The following CDH18 variants were observed in gnomAD, a reference collection of about 807,000 sequenced individuals.
CDH18 encodes the protein cadherin 18, also known as cadherin-18.
In CDH18, 31 loss-of-function variants were observed where a neutral mutation model predicts 67.9. That is an observed-to-expected ratio of 0.46 (90% CI 0.34 to 0.62). The LOEUF (loss-of-function observed/expected upper bound fraction) is 0.62, where lower values mean the gene tolerates loss of function less well. CDH18 is among the 20% of genes least tolerant of loss of function. CDH18 has a pLI of 0.01. For missense variants in CDH18, 890 were observed against 975.5 expected (o/e 0.91, Z 1.17); for synonymous variants, 362 against 347.2 (o/e 1.04, Z -0.48).
chr5:20,157,904 T>C (rs1382466996), intron 2 of CDH18, among the ~76,000 whole-genome samples: 2 of 152,152 alleles, frequency 1.3e-5, no homozygotes, highest in Non-Finnish European at 2.9e-5. Context: ...CCTCCCAAAG[T>C]GCTGGGATTA....
upstream of CDH18, among the ~76,000 whole-genome samples, chr5:19,989,124 G>A (rs181750275): frequency 1.1e-3 from 174 of 152,128 alleles, no homozygotes; most frequent in South Asian, 4.8e-3. Flanking sequence ...CTTTCTCCCC[G>A]CACGAAGTCA....
chr5:20,429,675 T>C (rs941973753), intron 1 of CDH18, among the ~76,000 whole-genome samples: 4 of 152,220 alleles, frequency 2.6e-5, no homozygotes, highest in African/African-American at 4.8e-5. Flanking sequence ...GCTGAGCTAC[T>C]TTGAGCAAGT....
chr5:20,243,870 A>C lies in CDH18; in HGVS notation c.-518+11574T>G, dbSNP rs369392042. Among the ~76,000 whole-genome samples the C allele has an allele frequency of 1.3e-4, 20 of 152,240 alleles. No individual in the cohort carries two copies. The East Asian group carries it at 1.9e-3, about 15-fold the overall frequency. ...TGGGAACCTCCACTTCAGTCCCACC[A>C]CTAATTATCATATAATGAATGAATC... On this transcript the variant is annotated intron_variant, in intron 2 of 14. Coordinates refer to the CDH18 transcript ENST00000507958.
chr5:20,469,490 A>G (rs1751899939), intron 1 of CDH18, among the ~76,000 whole-genome samples: 1 of 152,156 alleles, frequency 6.6e-6, no homozygotes, highest in African/African-American at 2.4e-5. Flanking sequence ...TCATTGCCAG[A>G]AAATTTCTCT....
intron 12 of CDH18, among the ~76,000 whole-genome samples, chr5:19,476,990 T>C (rs767337425): frequency 6.6e-6 from 1 of 151,660 alleles, no homozygotes; most frequent in African/African-American, 2.4e-5. Context: ...ATTCAAAATA[T>C]AGAGACCATT....
chr5:20,321,569 CTT>C (rs1262982924), intron 1 of CDH18, among the ~76,000 whole-genome samples: 3 of 152,020 alleles, frequency 2.0e-5, no homozygotes, highest in Non-Finnish European at 4.4e-5. Context: ...GTGCTATACT[CTT>C]TTCTATTTCA....
At chr5:20,301,055 C>T (rs1223251928) in intron 1 of CDH18, among the ~76,000 whole-genome samples, 1 of 151,982 alleles carries the variant, frequency 6.6e-6, no homozygotes, top group Non-Finnish European at 1.5e-5. Context: ...TGATGTTATT[C>T]TAATATCTTT....
At chr5:20,084,577 G>A (rs1224400894) in intron 2 of CDH18, among the ~76,000 whole-genome samples, 1 of 152,160 alleles carries the variant, frequency 6.6e-6, no homozygotes, top group Non-Finnish European at 1.5e-5. Context: ...TTTCCCTTCT[G>A]CACTGCCCTA....
chr5:20,503,444 T>C (rs1281047725), intron 1 of CDH18, among the ~76,000 whole-genome samples: 1 of 152,184 alleles, frequency 6.6e-6, no homozygotes, highest in Non-Finnish European at 1.5e-5. Context: ...TTAATCCCTA[T>C]GAGTTATCAG....
intron 8 of CDH18, among the ~76,000 whole-genome samples, chr5:19,547,119 A>G (rs1736466392): frequency 6.6e-6 from 1 of 152,162 alleles, no homozygotes; most frequent in Non-Finnish European, 1.5e-5. Flanking sequence ...TACTAGAAAA[A>G]AAACAAAACC....
At chr5:19,694,484 G>A (rs1762290795) in intron 5 of CDH18, among the ~76,000 whole-genome samples, 1 of 152,160 alleles carries the variant, frequency 6.6e-6, no homozygotes, top group African/African-American at 2.4e-5. Context: ...ATTTGGACAT[G>A]TCTTAAATCA....
chr5:20,263,854 T>A (rs1161364084), intron 1 of CDH18, among the ~76,000 whole-genome samples: 1 of 152,116 alleles, frequency 6.6e-6, no homozygotes, highest in East Asian at 1.9e-4. Flanking sequence ...AAGTTAGATT[T>A]TTTTAAGGTG....
intron 7 of CDH18, among the ~76,000 whole-genome samples, chr5:19,577,948 T>C (rs923445336): frequency 1.3e-5 from 2 of 152,186 alleles, no homozygotes; most frequent in Non-Finnish European, 2.9e-5. Context: ...GAAAATGTGA[T>C]GCGGTCATAT....
chr5:19,738,279 T>C (rs188988772), intron 4 of CDH18, among the ~76,000 whole-genome samples: 213 of 152,298 alleles, frequency 1.4e-3, no homozygotes, highest in African/African-American at 4.8e-3. Context: ...CCAAGGTTGC[T>C]CTAAGATCAA....
At chr5:20,556,471 T>G (rs1046928853) in intron 1 of CDH18, among the ~76,000 whole-genome samples, 1 of 152,296 alleles carries the variant, frequency 6.6e-6, no homozygotes, top group Admixed American at 6.5e-5. Context: ...ACTCTTTTTA[T>G]TGAAGACTAT....
chr5:19,709,450 C>T (rs535507759), intron 5 of CDH18, among the ~76,000 whole-genome samples: 4 of 152,054 alleles, frequency 2.6e-5, no homozygotes, highest in South Asian at 4.2e-4. Flanking sequence ...GCCTGTAATC[C>T]CAGCTACTCA....
intron 2 of CDH18, among the ~76,000 whole-genome samples, chr5:20,203,892 G>T (rs1356973560): frequency 6.6e-6 from 1 of 151,874 alleles, no homozygotes; most frequent in Non-Finnish European, 1.5e-5. Flanking sequence ...GAGTGGAATG[G>T]ATCAAGCAGA....
intron 5 of CDH18, among the ~76,000 whole-genome samples, chr5:19,620,614 C>T (rs1750546901): frequency 6.6e-6 from 1 of 152,094 alleles, no homozygotes; most frequent in East Asian, 1.9e-4. Flanking sequence ...AAAGTGGTCA[C>T]TATCTAAGAA....
chr5:19,887,108 T>C (rs1788292347), intron 2 of CDH18, among the ~76,000 whole-genome samples: 1 of 151,820 alleles, frequency 6.6e-6, no homozygotes, highest in South Asian at 2.1e-4. Context: ...ATGTGATACA[T>C]ACACAGAGCT....
Sources: allele counts gnomAD v4.1 joint callset (sites outside exome capture counted in the v4.1 genomes callset), GRCh38; gene constraint gnomAD v4.1.1; transcripts MANE v1.5; gene names NCBI Gene and HGNC (gene_info 2026-07-23, HGNC 2026-07-21).